Variants in CCDC33 observed in about 807,000 individuals in gnomAD.
CCDC33 encodes the protein coiled-coil domain-containing protein 33.
Under a neutral mutation model 91.9 loss-of-function variants are expected in CCDC33, and 94 were observed. The observed-to-expected ratio is 1.02, with a 90% CI of 0.87 to 1.21. The LOEUF is 1.21. CCDC33 is among the 50% of genes most tolerant of loss of function. The probability of loss-of-function intolerance (pLI) is 0.00; values close to 1 mark genes in which losing one functional copy is unlikely to be tolerated. For missense variants in CCDC33, 940 were observed against 935.5 expected, an observed-to-expected ratio of 1.00 and a Z score of -0.06; for synonymous variants, 396 against 374.5, an observed-to-expected ratio of 1.06 and a Z score of -0.66.
At chr15:74,259,262 G>T (rs12441994) in intron 2 of CCDC33, among the ~76,000 whole-genome samples, 43,848 of 150,486 alleles carry the variant, frequency 0.29, 7,388 homozygotes, top group African/African-American at 0.45. Context: ...AGCAGGTCTT[G>T]GTGAGGTCCC....
intron 2 of CCDC33, among the ~76,000 whole-genome samples, chr15:74,245,429 A>G (rs2142279741): frequency 6.6e-6 from 1 of 152,326 alleles, no homozygotes; most frequent in African/African-American, 2.4e-5. Flanking sequence ...AGGGAAGCAC[A>G]GGTGGTGGGA....
chr15:74,307,508 T>C (rs117076609), intron 11 of CCDC33, among the ~76,000 whole-genome samples: 1,635 of 152,108 alleles, frequency 0.011, 17 homozygotes, highest in Middle Eastern at 0.051. Flanking sequence ...CAACACAGGT[T>C]GGGGGTCTCC....
At chr15:74,205,706 G>C (rs1366440481) in intron 1 of CCDC33, among the ~76,000 whole-genome samples, 4 of 152,200 alleles carry the variant, frequency 2.6e-5, no homozygotes, top group Admixed American at 6.5e-5. Flanking sequence ...AGCCAGGCTG[G>C]CAGAAAGGGA....
intron 2 of CCDC33, chr15:74,209,588 T>C (rs1228491914): frequency 2.9e-6 from 2 of 678,984 alleles, no homozygotes; most frequent in Non-Finnish European, 4.9e-6. Flanking sequence ...CTTTCTCTTC[T>C]ATTTCTCACT....
At chr15:74,259,624 T>C (rs74023459) in intron 2 of CCDC33, among the ~76,000 whole-genome samples, 3,261 of 152,240 alleles carry the variant, frequency 0.021, 119 homozygotes, top group African/African-American at 0.075. Context: ...GGGAAAATAG[T>C]TGCTTAACTC....
chr15:74,286,926 GA>G (rs1322613984), intron 10 of CCDC33, among the ~76,000 whole-genome samples: 1 of 152,182 alleles, frequency 6.6e-6, no homozygotes, highest in African/African-American at 2.4e-5. Context: ...CATAGGGAGA[GA>G]GGGGGGCAAG....
chr15:74,224,646 A>C (rs2074729433), intron 2 of CCDC33, among the ~76,000 whole-genome samples: 2 of 152,216 alleles, frequency 1.3e-5, no homozygotes, highest in South Asian at 4.1e-4. Context: ...GACCTGGTGC[A>C]GGTTATATAA....
chr15:74,284,250 C>T (rs1022956350), intron 10 of CCDC33, among the ~76,000 whole-genome samples: 4 of 152,174 alleles, frequency 2.6e-5, no homozygotes, highest in Non-Finnish European at 5.9e-5. Flanking sequence ...ATTTTGGCTG[C>T]CATTGTGGAT....
At chr15:74,302,295 A>C (rs914908567) in intron 11 of CCDC33, 2 of 152,202 alleles carry the variant, frequency 1.3e-5, no homozygotes, top group African/African-American at 4.8e-5. Flanking sequence ...CCAGATCATG[A>C]GTGCAGAGAG....
At chr15:74,329,460 A>T (rs1180348669) in intron 11 of CCDC33, among the ~76,000 whole-genome samples, 1 of 152,196 alleles carries the variant, frequency 6.6e-6, no homozygotes, top group African/African-American at 2.4e-5. Flanking sequence ...GTACCTATCC[A>T]CGCAGGTCTG....
At chr15:74,217,418 A>G in exon 1 of CCDC33, 1 of 1,289,836 alleles carries the variant, frequency 7.8e-7, no homozygotes, top group South Asian at 1.2e-5. Context: ...GACTGTCAGC[A>G]GAGAACCCCC....
intron 2 of CCDC33, among the ~76,000 whole-genome samples, chr15:74,229,005 C>T (rs771063967): frequency 2.6e-5 from 4 of 152,118 alleles, no homozygotes; most frequent in Admixed American, 6.5e-5. Context: ...TGGAGCCCCT[C>T]GGACTTGCTG....
At chr15:74,219,647 A>C (rs796099023) in intron 2 of CCDC33, among the ~76,000 whole-genome samples, 25 of 152,268 alleles carry the variant, frequency 1.6e-4, no homozygotes, top group African/African-American at 5.5e-4. Context: ...GATTTTGGTG[A>C]CTAGGAACGG....
downstream of CCDC33, chr15:74,336,239 T>TAC: frequency 7.1e-7 from 1 of 1,416,304 alleles, no homozygotes; most frequent in Non-Finnish European, 9.2e-7. Context: ...GCTGCAGCCT[T>TAC]ACAGCCTCCC....
rs538344642 is a variant in CCDC33, at chr15:74,330,279, C to T, written c.1381C>T (p.Arg461Cys). The change falls in exon 12 of 19, where the codon CGC (arginine) becomes TGC (cysteine). Residue 461 changes from arginine (R) to cysteine (C), a missense_variant. Physicochemically the swap from Arg to Cys is radical, Grantham distance 180. Transcript: ENST00000398814. Reference sequence around the variant, plus strand: ...GGCCAGCATCCTGGAAGGAGAGAACCGCATACTGAGGAGCCGCCTGGCCCA... The same window carrying T: ...GGCCAGCATCCTGGAAGGAGAGAACTGCATACTGAGGAGCCGCCTGGCCCA... ...RQASILEGEN[R>C]ILRSRLAQQE... 28 of 1,612,490 alleles carry T rather than the reference C, an allele frequency of 1.7e-5. No homozygotes were observed. In the East Asian group the frequency reaches 3.8e-4, roughly 22 times the overall value.
At position 74,334,999 on chromosome 15, in the gene CCDC33, G is replaced by A. The variant is rs1370100946; in HGVS notation, c.2050G>A (p.Gly684Arg). Reference sequence around the variant, plus strand: ...GTTAGAGGACTCAGCTCGACGCTGGGGACGAGAGAAGCAGGATCTGGCCAC... The same window carrying A: ...GTTAGAGGACTCAGCTCGACGCTGGAGACGAGAGAAGCAGGATCTGGCCAC... Reference protein sequence around the residue: ...SQLEDSARRWGREKQDLATRL... With the variant: ...SQLEDSARRWRREKQDLATRL... The change falls in exon 18 of 19, where the codon GGA becomes AGA. Residue 684 changes from glycine to arginine, a missense_variant. Coordinates refer to ENST00000398814, the MANE Select transcript of CCDC33 (RefSeq NM_025055.5). 2 of 1,614,094 alleles carry A rather than the reference G, an allele frequency of 1.2e-6. No individual in the cohort carries two copies. Among genetic ancestry groups the A allele is most frequent in the Admixed American group, 1.7e-5 (1 of 60,016 alleles).
chr15:74,331,445 C>A, intron 15 of CCDC33, 149 bp downstream of exon 15: 2 of 755,182 alleles, frequency 2.6e-6, no homozygotes, highest in South Asian at 1.9e-5. Context: ...CCCAGGATTG[C>A]CCTGCTCCCC....
intron 11 of CCDC33, among the ~76,000 whole-genome samples, chr15:74,296,453 C>T (rs535202295): frequency 4.6e-5 from 7 of 152,182 alleles, no homozygotes; most frequent in South Asian, 4.2e-4. Context: ...GGAAAAACCC[C>T]GTCTCTACTA....
Position 74,262,565 on chromosome 15 carries a change from G to A in CCDC33, c.311G>A (p.Gly104Glu). ...GTGGAGATCCAAGCTGAGGATGCAG[G>A]GCAAGAAGGTAAGCAGGGGCTGGGC... is the stretch of plus-strand genomic sequence containing the variant. The part of the protein sequence containing the change: ...VNVEIQAEDA[G>E]QEDVILKVVD... Residue 104 changes from glycine to glutamate, a missense_variant, in exon 3 of 19, where the codon GGG becomes GAG. Transcript: ENST00000398814. 6.2e-7 allele frequency: 1 copy of A among 1,612,912 alleles called. No individual in the cohort carries two copies. The highest frequency in any genetic ancestry group is 8.5e-7 in the Non-Finnish European group (1 of 1,179,570).
Sources: allele counts gnomAD v4.1 joint callset (sites outside exome capture counted in the v4.1 genomes callset), GRCh38; gene constraint gnomAD v4.1.1; transcripts MANE v1.5; gene names NCBI Gene and HGNC (gene_info 2026-07-23, HGNC 2026-07-21).